The following IQCK variants were observed in gnomAD, a reference collection of about 807,000 sequenced individuals.
The protein encoded by IQCK is IQ motif containing K.
In IQCK, 29 loss-of-function variants were observed where a neutral mutation model predicts 28.1. The ratio of observed to expected loss-of-function variants is 1.03; its 90% CI spans 0.77 to 1.41. IQCK has a LOEUF of 1.41. Ranked by LOEUF, IQCK falls within the 40% of genes most tolerant of loss-of-function variation. The probability of loss-of-function intolerance (pLI) is 0.00; values close to 1 mark genes in which losing one functional copy is unlikely to be tolerated. For synonymous variants in IQCK, 113 were observed against 115.1 expected (o/e 0.98, Z 0.12); for missense variants, 359 against 314.7 (o/e 1.14, Z -1.07).
At chr16:19,720,179 C>T (rs573160012) in intron 1 of IQCK, among the ~76,000 whole-genome samples, 1 of 152,230 alleles carries the variant, frequency 6.6e-6, no homozygotes, top group East Asian at 1.9e-4. Flanking sequence ...TGTTTCAACC[C>T]CATCCAGTAC....
Position 19,790,274 on chromosome 16 carries a change from TC to T in IQCK, c.690+1353del, listed in dbSNP as rs142789878. Among the ~76,000 whole-genome samples, 11 of 72,960 alleles carry T rather than the reference TC, an allele frequency of 1.5e-4. 1 individual carries two copies. In the East Asian group the frequency reaches 3.1e-3, roughly 21 times the overall value. The allele number at this position is 72,960 out of a possible 152,430, so 47.9% of individuals were successfully genotyped here. A position where few individuals can be genotyped will look rare whatever the true frequency, so the allele number is the denominator to read the frequency against. On this transcript the variant is annotated intron_variant, in intron 7 of 7. Coordinates refer to ENST00000564186, the Ensembl canonical transcript of IQCK. ...TAATATTGTCTTGTGGAAGAAGTTCTCACCAAATACATATGAGAGTAGCATG... is the reference window on the plus strand; with the variant it reads ...TAATATTGTCTTGTGGAAGAAGTTCTACCAAATACATATGAGAGTAGCATG...
intron 9 of IQCK, among the ~76,000 whole-genome samples, chr16:19,849,892 C>G (rs2056460710): frequency 6.6e-6 from 1 of 152,118 alleles, no homozygotes; most frequent in Non-Finnish European, 1.5e-5. Flanking sequence ...GCCTCCATGC[C>G]CTCGTGCCAT....
intron 4 of IQCK, among the ~76,000 whole-genome samples, chr16:19,741,802 C>T (rs1396894698): frequency 6.6e-6 from 1 of 152,100 alleles, no homozygotes; most frequent in Admixed American, 6.6e-5. Flanking sequence ...GCCTGGGCAA[C>T]ATGGTGAAAT....
intron 1 of IQCK, among the ~76,000 whole-genome samples, chr16:19,720,189 C>G (rs1472938663): frequency 2.0e-5 from 3 of 152,192 alleles, no homozygotes; most frequent in African/African-American, 2.4e-5. Context: ...CCATCCAGTA[C>G]TTAAATTCCT....
chr16:19,799,741 C>A (rs1214893816), intron 7 of IQCK, among the ~76,000 whole-genome samples: 1 of 50,258 alleles, frequency 2.0e-5, no homozygotes, highest in Non-Finnish European at 3.1e-5. Flanking sequence ...CAAATTCACA[C>A]ACCTGTAGTC....
intron 1 of IQCK, among the ~76,000 whole-genome samples, chr16:19,720,666 A>C (rs1977464577): frequency 6.6e-6 from 1 of 152,228 alleles, no homozygotes; most frequent in Non-Finnish European, 1.5e-5. Flanking sequence ...GCAAAGACAA[A>C]GGGTTTTGGT....
At position 19,783,319 on chromosome 16, in the gene IQCK, A is replaced by T. The variant is rs146972512; in HGVS notation, c.606-5519A>T. Among the ~76,000 whole-genome samples, 851 of 152,210 alleles carry T rather than the reference A, an allele frequency of 5.6e-3. 10 individuals carry two copies. Among genetic ancestry groups the T allele is most frequent in the African/African-American group, 0.019 (804 of 41,524 alleles). ...TGGCCAGCATTGATTCTTAGGGTTC[A>T]AATGTATTCACATTTGAGAAAAAAA... On this transcript the variant is annotated intron_variant, in intron 6 of 7. Transcript: ENST00000564186.
At chr16:19,767,908 A>C (rs2055264229) in intron 6 of IQCK, among the ~76,000 whole-genome samples, 1 of 151,908 alleles carries the variant, frequency 6.6e-6, no homozygotes, top group Admixed American at 6.6e-5. Context: ...CAAATAAATA[A>C]ATAAAATAAA....
Position 19,737,220 on chromosome 16 carries a change from G to A in IQCK, c.474+1770G>A, listed in dbSNP as rs558985354. Among the ~76,000 whole-genome samples, 4 of 152,092 alleles carry A rather than the reference G, an allele frequency of 2.6e-5. No individual in the cohort carries two copies. In the South Asian group the frequency reaches 8.3e-4, roughly 32 times the overall value. On this transcript the variant is annotated intron_variant, in intron 4 of 7. Coordinates refer to ENST00000564186, the Ensembl canonical transcript of IQCK. Reference sequence around the variant, plus strand: ...TAATTACAGTGTAAACCCCAATGAGGTTGACACATCCTAGGGTCTATAAAA... The same window carrying A: ...TAATTACAGTGTAAACCCCAATGAGATTGACACATCCTAGGGTCTATAAAA...
At chr16:19,750,726 T>G (rs1430275080) in intron 4 of IQCK, among the ~76,000 whole-genome samples, 1 of 152,138 alleles carries the variant, frequency 6.6e-6, no homozygotes, top group Non-Finnish European at 1.5e-5. Flanking sequence ...CCTCCCAAAG[T>G]GCCGGGATTA....
At chr16:19,783,439 C>T (rs143942507) in intron 6 of IQCK, among the ~76,000 whole-genome samples, 1,535 of 152,230 alleles carry the variant, frequency 0.01, 21 homozygotes, top group African/African-American at 0.035. Flanking sequence ...CATGCAAAAA[C>T]GTCTGCTTTG....
At chr16:19,723,622 G>A (rs1378694516) in intron 1 of IQCK, among the ~76,000 whole-genome samples, 1 of 152,030 alleles carries the variant, frequency 6.6e-6, no homozygotes, top group Admixed American at 6.6e-5. Context: ...GCATGGACTG[G>A]GAGCACCTAC....
intron 6 of IQCK, among the ~76,000 whole-genome samples, chr16:19,782,530 A>G (rs2151727780): frequency 6.6e-6 from 1 of 152,056 alleles, no homozygotes; most frequent in Non-Finnish European, 1.5e-5. Context: ...TAGGAGGCTG[A>G]GGTGGGAGGA....
intron 6 of IQCK, among the ~76,000 whole-genome samples, chr16:19,770,015 G>C (rs569590820): frequency 1.2e-4 from 19 of 152,236 alleles, no homozygotes; most frequent in Admixed American, 9.2e-4. Flanking sequence ...CAAGTGCAAG[G>C]GTTAAATGAT....
At chr16:19,724,086 C>T (rs1409860942) in intron 1 of IQCK, among the ~76,000 whole-genome samples, 1 of 152,128 alleles carries the variant, frequency 6.6e-6, no homozygotes, top group Non-Finnish European at 1.5e-5. Context: ...GTGTTGTGTA[C>T]TTGGAGTCAC....
chr16:19,857,402 G>GTTTATA (rs1567204867), exon 10 of IQCK: 2 of 429,670 alleles, frequency 4.7e-6, no homozygotes, highest in African/African-American at 4.2e-5. Context: ...TTATATAGTC[G>GTTTATA]TTTATGGTAC....
chr16:19,781,385 C>G (rs2055481947), intron 6 of IQCK, among the ~76,000 whole-genome samples: 1 of 152,128 alleles, frequency 6.6e-6, no homozygotes. Context: ...GGACTCAGCT[C>G]TGTGTGTAAC....
intron 7 of IQCK, among the ~76,000 whole-genome samples, chr16:19,813,200 G>C (rs1348881462): frequency 1.3e-5 from 2 of 152,208 alleles, no homozygotes; most frequent in African/African-American, 4.8e-5. Flanking sequence ...TGGAAAAGCA[G>C]TTAAGAGACA....
chr16:19,782,920 T>A (rs2055508414), intron 6 of IQCK, among the ~76,000 whole-genome samples: 1 of 152,094 alleles, frequency 6.6e-6, no homozygotes, highest in Admixed American at 6.5e-5. Flanking sequence ...GCACATACAT[T>A]TATATATACA....
Sources: gnomAD v4.1 joint callset for allele counts (sites outside exome capture counted in the v4.1 genomes callset) on GRCh38, gnomAD v4.1.1 for gene constraint, MANE v1.5 for transcripts, NCBI Gene and HGNC (gene_info 2026-07-23, HGNC 2026-07-21) for gene names.